The following STPG2 variants were observed in gnomAD, a reference collection of about 807,000 sequenced individuals.
The protein encoded by STPG2 is sperm-tail PG-rich repeat-containing protein 2.
STPG2 carries 56 observed loss-of-function variants against 54.2 expected under a neutral mutation model. The observed-to-expected ratio is 1.03, with a 90% CI of 0.83 to 1.29. The LOEUF is 1.29. Ranked by LOEUF, STPG2 falls within the 50% of genes most tolerant of loss-of-function variation. The pLI, the probability that STPG2 is intolerant of heterozygous loss-of-function variation, is 0.00. For synonymous variants in STPG2, 200 were observed against 181.8 expected, an observed-to-expected ratio of 1.10 and a Z score of -0.81; for missense variants, 596 against 544.9, an observed-to-expected ratio of 1.09 and a Z score of -0.93.
chr4:97,606,971 T>C (rs1215257035), intron 10 of STPG2, among the ~76,000 whole-genome samples: 2 of 152,030 alleles, frequency 1.3e-5, no homozygotes, highest in African/African-American at 2.4e-5. Flanking sequence ...GTTATCTCCA[T>C]TCTACATGAT....
rs191547983 is a variant in STPG2, at chr4:97,700,711, G to A, written c.1320+11988C>T. ...AAGTGATCAGGGTCTCTCCAAATAA[G>A]ATTATGACAAAAAGCCAGAAGTTGA... On this transcript the variant is annotated intron_variant, in intron 10 of 10. Coordinates refer to ENST00000295268, the MANE Select transcript of STPG2 (RefSeq NM_174952.3). Among the ~76,000 whole-genome samples the A allele has an allele frequency of 1.6e-3, 241 of 152,310 alleles. 1 individual carries two copies. The Middle Eastern group carries it at 0.027, about 17-fold the overall frequency.
intron 3 of STPG2, among the ~76,000 whole-genome samples, chr4:98,118,346 A>G (rs952333198): frequency 1.3e-5 from 2 of 152,116 alleles, no homozygotes; most frequent in Admixed American, 6.6e-5. Flanking sequence ...GTAGAATCTC[A>G]ACTCTTTTTT....
chr4:97,836,451 CTATAG>C (rs996470873), intron 9 of STPG2, among the ~76,000 whole-genome samples: 6 of 151,858 alleles, frequency 4.0e-5, no homozygotes, highest in African/African-American at 1.5e-4. Context: ...ACTTAATAGA[CTATAG>C]TATAGTCTAA....
intron 5 of STPG2, chr4:98,025,408 G>C: frequency 2.5e-6 from 1 of 395,636 alleles, no homozygotes; most frequent in Non-Finnish European, 4.9e-6. Flanking sequence ...AAGTTGTTAA[G>C]AATAAGGCCT....
chr4:98,089,280 A>G (rs1738614864), intron 5 of STPG2, among the ~76,000 whole-genome samples: 1 of 152,024 alleles, frequency 6.6e-6, no homozygotes, highest in South Asian at 2.1e-4. Flanking sequence ...CTTAGCTCCC[A>G]CTTATAAGTG....
intron 4 of STPG2, among the ~76,000 whole-genome samples, chr4:97,448,927 A>G (rs1729297841): frequency 6.6e-6 from 1 of 152,158 alleles, no homozygotes; most frequent in Non-Finnish European, 1.5e-5. Context: ...TTTTAATTGT[A>G]TCATTTATAA....
At chr4:97,746,367 TC>T (rs1043517761) in intron 9 of STPG2, among the ~76,000 whole-genome samples, 10 of 151,276 alleles carry the variant, frequency 6.6e-5, no homozygotes, top group African/African-American at 2.4e-4. Context: ...AATTATTTGT[TC>T]CCCTGTTTTA....
At chr4:97,904,917 A>G (rs937030906) in intron 8 of STPG2, among the ~76,000 whole-genome samples, 4 of 152,182 alleles carry the variant, frequency 2.6e-5, no homozygotes, top group African/African-American at 9.7e-5. Flanking sequence ...AAAAGAATAA[A>G]AAGAAACGAG....
intron 5 of STPG2, among the ~76,000 whole-genome samples, chr4:98,038,290 G>T (rs1175229493): frequency 2.6e-5 from 4 of 152,084 alleles, no homozygotes; most frequent in African/African-American, 4.8e-5. Context: ...GGGCAGTATA[G>T]GGGATCTTAG....
chr4:97,879,303 C>T (rs1218056888), intron 8 of STPG2, among the ~76,000 whole-genome samples: 1 of 152,166 alleles, frequency 6.6e-6, no homozygotes, highest in Non-Finnish European at 1.5e-5. Context: ...ATAGCAGTGC[C>T]CCACTCTACT....
Position 97,467,697 on chromosome 4 carries a change from G to A in STPG2, c.462+245002C>T, listed in dbSNP as rs74751096. On this transcript the variant is annotated intron_variant, in intron 4 of 4. Coordinates refer to the STPG2 transcript ENST00000522676. Reference sequence around the variant, plus strand: ...ATAGGCTAAAAATTTAGATTGTTTTGTTGACTGGATCAGGAGATAAACGCA... The same window carrying A: ...ATAGGCTAAAAATTTAGATTGTTTTATTGACTGGATCAGGAGATAAACGCA... Among the ~76,000 whole-genome samples the A allele has an allele frequency of 1.8e-3, 278 of 152,032 alleles. 1 individual carries two copies. The highest frequency in any genetic ancestry group is 6.4e-3 in the African/African-American group (265 of 41,532).
At chr4:98,085,746 A>G (rs1738484674) in intron 5 of STPG2, among the ~76,000 whole-genome samples, 1 of 151,976 alleles carries the variant, frequency 6.6e-6, no homozygotes, top group Non-Finnish European at 1.5e-5. Flanking sequence ...ACCTTCCTAT[A>G]CTCACTTATT....
intron 8 of STPG2, among the ~76,000 whole-genome samples, chr4:97,900,066 C>A (rs372746168): frequency 2.2e-4 from 34 of 152,032 alleles, no homozygotes; most frequent in African/African-American, 8.2e-4. Context: ...GGAACTTAAA[C>A]AAATTTACAA....
intron 10 of STPG2, among the ~76,000 whole-genome samples, chr4:97,666,244 T>C (rs1342048703): frequency 2.6e-5 from 4 of 152,128 alleles, no homozygotes; most frequent in South Asian, 2.1e-4. Context: ...CCATGAACCA[T>C]GCAGCCCCTG....
chr4:97,653,136 C>T (rs1390955200), intron 10 of STPG2, among the ~76,000 whole-genome samples: 13 of 142,362 alleles, frequency 9.1e-5, no homozygotes, highest in Admixed American at 5.8e-4. Flanking sequence ...GATAGATAGA[C>T]AGATACTATC....
chr4:97,532,775 T>C (rs1731442186), intron 4 of STPG2, among the ~76,000 whole-genome samples: 2 of 152,166 alleles, frequency 1.3e-5, no homozygotes, highest in South Asian at 4.1e-4. Flanking sequence ...AGAAAGCAGA[T>C]TCAATTTTTA....
At chr4:98,020,308 G>T (rs1422813824) in intron 5 of STPG2, among the ~76,000 whole-genome samples, 1 of 134,142 alleles carries the variant, frequency 7.5e-6, no homozygotes, top group Non-Finnish European at 1.6e-5. Flanking sequence ...CTGTTCATAT[G>T]CTGGATTACA....
At chr4:97,673,249 T>C (rs1195231999) in intron 10 of STPG2, among the ~76,000 whole-genome samples, 1 of 152,190 alleles carries the variant, frequency 6.6e-6, no homozygotes, top group Non-Finnish European at 1.5e-5. Flanking sequence ...CAACAGCACT[T>C]AACAATTTTA....
intron 10 of STPG2, among the ~76,000 whole-genome samples, chr4:97,605,824 A>G (rs1560682191): frequency 6.6e-6 from 1 of 151,642 alleles, no homozygotes; most frequent in East Asian, 1.9e-4. Context: ...AAAAAGAAAA[A>G]AAAAATCTGT....
Sources: gnomAD v4.1 joint callset for allele counts (sites outside exome capture counted in the v4.1 genomes callset) on GRCh38, gnomAD v4.1.1 for gene constraint, MANE v1.5 for transcripts, NCBI Gene and HGNC (gene_info 2026-07-23, HGNC 2026-07-21) for gene names.